Variants in CNBD1 observed in about 807,000 individuals in gnomAD.
CNBD1 encodes cyclic nucleotide-binding domain-containing protein 1.
CNBD1 carries 71 observed loss-of-function variants against 54.4 expected under a neutral mutation model. The ratio of observed to expected loss-of-function variants is 1.30; its 90% CI spans 1.08 to 1.59. The LOEUF is 1.59. Ranked by LOEUF, CNBD1 falls within the 40% of genes most tolerant of loss-of-function variation. The pLI, the probability that CNBD1 is intolerant of heterozygous loss-of-function variation, is 0.00. For missense variants in CNBD1, 659 were observed against 518.0 expected (o/e 1.27, Z -2.64); for synonymous variants, 182 against 170.7 (o/e 1.07, Z -0.51).
chr8:86,906,694 A>G lies in CNBD1; in HGVS notation c.272+1500A>G, dbSNP rs542682544. ...AGAGCTTTTATGGATAGCTGATATG[A>G]TCATCTTGCCCTCATATTTATTCAT... On this transcript the variant is annotated intron_variant, in intron 3 of 10. Coordinates refer to ENST00000518476, the MANE Select transcript of CNBD1 (RefSeq NM_173538.3). Among the ~76,000 whole-genome samples, 6 of 152,318 alleles carry G rather than the reference A, an allele frequency of 3.9e-5. No homozygotes were observed. In the South Asian group the frequency reaches 1.2e-3, roughly 32 times the overall value.
chr8:86,938,519 G>A (rs1172837034), intron 3 of CNBD1, among the ~76,000 whole-genome samples: 2 of 152,200 alleles, frequency 1.3e-5, no homozygotes, highest in Non-Finnish European at 2.9e-5. Context: ...TCACAATCAT[G>A]TTCAAAGGCA....
chr8:86,919,772 C>A (rs554136179), intron 3 of CNBD1, among the ~76,000 whole-genome samples: 1 of 152,282 alleles, frequency 6.6e-6, no homozygotes, highest in Admixed American at 6.5e-5. Context: ...AGAAAGCTGA[C>A]TTTGCTGTCA....
At chr8:87,315,577 A>C (rs2130894410) in intron 8 of CNBD1, among the ~76,000 whole-genome samples, 1 of 152,018 alleles carries the variant, frequency 6.6e-6, no homozygotes, top group East Asian at 2.0e-4. Context: ...GCAGAGTGAG[A>C]ACTCACGCCT....
intron 4 of CNBD1, among the ~76,000 whole-genome samples, chr8:87,021,567 G>C (rs1197487587): frequency 2.0e-5 from 3 of 152,196 alleles, no homozygotes; most frequent in African/African-American, 7.2e-5. Context: ...TATACCAGTA[G>C]TTCTCAGCTA....
At position 86,939,670 on chromosome 8, in the gene CNBD1, A is replaced by T. The variant is rs573773859; in HGVS notation, c.347A>T (p.Gln116Leu). Residue 116 changes from glutamine (Q) to leucine (L), a missense_variant, in exon 4 of 11, where the codon CAG (glutamine) becomes CTG (leucine). By Grantham distance (113) the Gln-to-Leu change is moderately radical. Transcript: ENST00000518476. ...DDSNNIAVHV[Q>L]RAHGGHILYR... ...TCTAACAATATAGCTGTCCATGTTC[A>T]GAGAGCACATGGTGGCCATATTTTA... is the stretch of plus-strand genomic sequence containing the variant. 5 of 1,602,790 alleles carry T rather than the reference A, an allele frequency of 3.1e-6. No individual in the cohort carries two copies. Among genetic ancestry groups the T allele is most frequent in the Non-Finnish European group, 4.3e-6 (5 of 1,172,068 alleles).
At chr8:87,026,141 A>G (rs1040558096) in intron 4 of CNBD1, among the ~76,000 whole-genome samples, 1 of 152,192 alleles carries the variant, frequency 6.6e-6, no homozygotes, top group Admixed American at 6.5e-5. Context: ...ATTCTTTTTA[A>G]AAGGTTCTTT....
At chr8:87,038,920 T>C (rs1810005178) in intron 4 of CNBD1, among the ~76,000 whole-genome samples, 1 of 152,186 alleles carries the variant, frequency 6.6e-6, no homozygotes, top group African/African-American at 2.4e-5. Flanking sequence ...GTGATACCCA[T>C]TGCTGCCTCT....
chr8:87,371,992 A>T (rs897640810), intron 10 of CNBD1, among the ~76,000 whole-genome samples: 3 of 151,878 alleles, frequency 2.0e-5, no homozygotes, highest in Non-Finnish European at 4.4e-5. Context: ...GGCCAGGGCA[A>T]TTAGGCAGGA....
intron 4 of CNBD1, among the ~76,000 whole-genome samples, chr8:87,119,296 T>C (rs1438338767): frequency 6.6e-6 from 1 of 151,854 alleles, no homozygotes; most frequent in Non-Finnish European, 1.5e-5. Flanking sequence ...AGATACCTTT[T>C]ACTTCTTGGG....
Position 86,905,207 on chromosome 8 carries a change from T to TG in CNBD1, c.272+13_272+14insG. The TG allele has an allele frequency of 6.7e-7, 1 of 1,485,108 alleles. No individual in the cohort carries two copies. The highest frequency in any genetic ancestry group is 9.4e-7 in the Non-Finnish European group (1 of 1,065,826). 92.0% of individuals were successfully genotyped at this position (1,485,108 alleles called of 1,614,324 possible). ...AGGAGGAACAAAGGTAATGATACCT[T>TG]CTTTTGAAAGCAAGGTTGATGGGTG... On this transcript the variant is annotated intron_variant, in intron 3 of 10. Transcript: ENST00000518476.
At chr8:87,083,922 G>A (rs1811048734) in intron 4 of CNBD1, among the ~76,000 whole-genome samples, 1 of 152,110 alleles carries the variant, frequency 6.6e-6, no homozygotes, top group Non-Finnish European at 1.5e-5. Flanking sequence ...TTTGATTGGT[G>A]TCTCATGCTG....
chr8:87,355,959 G>T lies in CNBD1; in HGVS notation c.1303+2173G>T, dbSNP rs1182730475. Among the ~76,000 whole-genome samples, 13 of 152,016 alleles carry T rather than the reference G, an allele frequency of 8.6e-5. 1 individual carries two copies. The highest frequency in any genetic ancestry group is 8.5e-4 in the Admixed American group (13 of 15,260). On this transcript the variant is annotated intron_variant, in intron 10 of 10. Transcript: ENST00000518476. ...TCTCACTCTATTAGTTCATGAAAGA[G>T]CTGGCTCTTTAAAAGTGTCTGGCAT...
chr8:87,030,516 A>G lies in CNBD1; in HGVS notation c.431+90762A>G, dbSNP rs1809757642. Among the ~76,000 whole-genome samples, 4 of 152,232 alleles carry G rather than the reference A, an allele frequency of 2.6e-5. No homozygotes were observed. In the South Asian group the frequency reaches 8.3e-4, roughly 32 times the overall value. ...ATCACTTGCTCCTTTTCACTCCTTT[A>G]TCTCCATGCTACATATCCTTTTGCT... On this transcript the variant is annotated intron_variant, in intron 4 of 10. Transcript: ENST00000518476.
chr8:87,142,315 T>C (rs1171515652), intron 4 of CNBD1, among the ~76,000 whole-genome samples: 2 of 152,252 alleles, frequency 1.3e-5, no homozygotes, highest in African/African-American at 2.4e-5. Flanking sequence ...TGCCACAATT[T>C]TATGTATTTT....
intron 4 of CNBD1, among the ~76,000 whole-genome samples, chr8:87,195,683 C>T (rs1170523633): frequency 2.6e-5 from 4 of 151,518 alleles, no homozygotes; most frequent in Admixed American, 6.6e-5. Flanking sequence ...CAGCAATTCT[C>T]CTGCCTTAGC....
intron 3 of CNBD1, among the ~76,000 whole-genome samples, chr8:86,920,860 A>T (rs145182061): frequency 2.0e-3 from 304 of 150,090 alleles, no homozygotes; most frequent in African/African-American, 7.0e-3. Flanking sequence ...TAAAATGATG[A>T]AGGGCTTCTC....
At chr8:87,042,782 TATA>T (rs1252628982) in intron 4 of CNBD1, among the ~76,000 whole-genome samples, 18 of 152,090 alleles carry the variant, frequency 1.2e-4, no homozygotes, top group East Asian at 5.8e-4. Context: ...AATATATAAA[TATA>T]ATATGTAAAA....
intron 10 of CNBD1, among the ~76,000 whole-genome samples, chr8:87,354,137 G>T (rs1021886245): frequency 1.3e-5 from 2 of 152,120 alleles, no homozygotes; most frequent in Non-Finnish European, 2.9e-5. Flanking sequence ...CCTGCTCTGT[G>T]TCCTGTCCTT....
At position 87,416,168 on chromosome 8, in the gene CNBD1, A is replaced by G. The variant is rs573591804; in HGVS notation, c.214-12378A>G. ...ACCAGATAAAGCAAAATTTGACAAA[A>G]ACACACAAAAAATCCACAATTCTAA... On this transcript the variant is annotated intron_variant, in intron 2 of 7. Transcript: ENST00000521593. 1.3e-3 allele frequency among the ~76,000 whole-genome samples: 205 copies of G among 152,128 alleles called. 3 individuals are homozygous for G. In the South Asian group the frequency reaches 0.022, roughly 16 times the overall value.
Sources: gnomAD v4.1 joint callset for allele counts (sites outside exome capture counted in the v4.1 genomes callset) on GRCh38, gnomAD v4.1.1 for gene constraint, MANE v1.5 for transcripts, NCBI Gene and HGNC (gene_info 2026-07-23, HGNC 2026-07-21) for gene names.